Variants in TACC2 observed in about 807,000 individuals in gnomAD.
TACC2 encodes transforming acidic coiled-coil containing protein 2, also known as transforming acidic coiled-coil-containing protein 2.
TACC2 carries 137 observed loss-of-function variants against 227.3 expected under a neutral mutation model. That is an observed-to-expected ratio of 0.60 (90% confidence interval 0.52 to 0.69). The LOEUF is 0.69. Ranked by LOEUF, TACC2 falls within the 30% of genes least tolerant of loss-of-function variation. The pLI is 0.00. For missense variants in TACC2, 3,470 were observed against 3,694.4 expected (o/e 0.94, Z 1.57); for synonymous variants, 1,523 against 1,487.5 (o/e 1.02, Z -0.55).
At chr10:122,249,792 A>AACTC in intron 22 of TACC2, 128 bp downstream of exon 22, 1 of 1,167,194 alleles carries the variant, frequency 8.6e-7, no homozygotes, top group Non-Finnish European at 1.2e-6. Context: ...ATGCTTCATG[A>AACTC]GCATACCCTT....
At chr10:122,006,923 G>A (rs543861972) in intron 1 of TACC2, among the ~76,000 whole-genome samples, 151 of 145,358 alleles carry the variant, frequency 1.0e-3, no homozygotes, top group African/African-American at 3.7e-3. Context: ...GTGCAATGGC[G>A]TGATCTTGGC....
At chr10:121,997,121 T>C (rs778110142) in intron 1 of TACC2, among the ~76,000 whole-genome samples, 5 of 152,178 alleles carry the variant, frequency 3.3e-5, no homozygotes, top group African/African-American at 4.8e-5. Flanking sequence ...AGGACGTAGA[T>C]GAGACCAGCA....
chr10:122,063,727 T>G (rs963619487), intron 3 of TACC2, among the ~76,000 whole-genome samples: 1 of 152,116 alleles, frequency 6.6e-6, no homozygotes, highest in East Asian at 1.9e-4. Flanking sequence ...GTTCTTTTCT[T>G]TATTGATTGT....
Position 122,180,680 on chromosome 10 carries a change from A to G in TACC2, c.5835-14360A>G, listed in dbSNP as rs12248719. On this transcript the variant is annotated intron_variant, in intron 7 of 22. Transcript: ENST00000369005. This position sits in a 1 kb window ranked among gnomAD's most constrained non-coding sequence, Gnocchi z 4.5. Reference sequence around the variant, plus strand: ...ATGACTGACTCTTTTTTCACTCTTCATGTCTCAGCTTTGAGAAGCCTCCCT... The same window carrying G: ...ATGACTGACTCTTTTTTCACTCTTCGTGTCTCAGCTTTGAGAAGCCTCCCT... Among the ~76,000 whole-genome samples the G allele has an allele frequency of 0.11, 17,015 of 151,714 alleles. 1,269 individuals carry two copies. Among genetic ancestry groups the G allele is most frequent in the Non-Finnish European group, 0.16 (10,847 of 67,876 alleles).
At chr10:122,088,387 T>G in intron 4 of TACC2, 91 bp from the exon 5 acceptor site, 1 of 1,261,378 alleles carries the variant, frequency 7.9e-7, no homozygotes, top group Non-Finnish European at 1.1e-6. Context: ...CTTAAAACTT[T>G]AATTGAGAAA....
At chr10:122,032,912 C>T (rs2860384) in intron 2 of TACC2, among the ~76,000 whole-genome samples, 8,052 of 152,120 alleles carry the variant, frequency 0.053, 270 homozygotes, top group Admixed American at 0.11. Flanking sequence ...TGAGCTGAGA[C>T]TGCACCACTG....
chr10:122,178,084 G>A (rs899974041), intron 7 of TACC2, among the ~76,000 whole-genome samples: 3 of 152,148 alleles, frequency 2.0e-5, no homozygotes, highest in Non-Finnish European at 4.4e-5. Context: ...ATTTCTAACA[G>A]TTTTGGAGGC....
At chr10:122,073,136 T>A (rs78791022) in intron 3 of TACC2, among the ~76,000 whole-genome samples, 184 of 69,148 alleles carry the variant, frequency 2.7e-3, no homozygotes, top group African/African-American at 6.5e-3. Flanking sequence ...AATATATATA[T>A]ATATATATAT....
At chr10:122,042,699 C>G (rs942624247) in intron 2 of TACC2, among the ~76,000 whole-genome samples, 1 of 152,104 alleles carries the variant, frequency 6.6e-6, no homozygotes, top group African/African-American at 2.4e-5. Flanking sequence ...TCAGAACAAC[C>G]CTGCAGTTAT....
chr10:122,230,427 A>G lies in TACC2; in HGVS notation c.8114A>G (p.His2705Arg). 1.9e-6 allele frequency: 3 copies of G among 1,614,154 alleles called. No homozygotes were observed. In the South Asian group the frequency reaches 3.3e-5, roughly 18 times the overall value. ...CAGATTGCTTTGGCTTCCCGCAGCC[A>G]CCAGGATGCCAAGGTACCGGTTTGC... Reference protein sequence around the residue: ...ARQIALASRSHQDAKREAAHP... With the variant: ...ARQIALASRSRQDAKREAAHP... Residue 2705 changes from histidine (H) to arginine (R), a missense_variant, in exon 16 of 23, where the codon CAC (histidine) becomes CGC (arginine). His to Arg is a conservative substitution (Grantham distance 29). This residue lies in a region of TACC2 where 345 missense variants were observed against 354.4 expected (regional missense o/e 0.97). Transcript: ENST00000369005.
intron 7 of TACC2, among the ~76,000 whole-genome samples, chr10:122,178,038 C>G (rs2093803774): frequency 6.6e-6 from 1 of 152,098 alleles, no homozygotes; most frequent in Non-Finnish European, 1.5e-5. Flanking sequence ...ACAACAAAAT[C>G]CCATAAATTG....
intron 9 of TACC2, among the ~76,000 whole-genome samples, chr10:122,214,634 A>G (rs1270236611): frequency 6.6e-6 from 1 of 152,238 alleles, no homozygotes; most frequent in Admixed American, 6.5e-5. Flanking sequence ...GGAACTGCTC[A>G]GGCTAAAAGG....
rs1005242661 is a variant in TACC2, at chr10:122,209,639, C to G, written c.5972-758C>G. On this transcript the variant is annotated intron_variant, in intron 8 of 22. Transcript: ENST00000369005. The surrounding 1 kb of genome is among the most constrained non-coding windows in gnomAD (Gnocchi z 4.5). Reference sequence around the variant, plus strand: ...TTTTAAAAGTGAAACTCTCCTATCCCGGCTTTATTTTTCTCCTTAGCATGT... The same window carrying G: ...TTTTAAAAGTGAAACTCTCCTATCCGGGCTTTATTTTTCTCCTTAGCATGT... 2.0e-5 allele frequency among the ~76,000 whole-genome samples: 3 copies of G among 152,134 alleles called. No homozygotes were observed. Among genetic ancestry groups the G allele is most frequent in the Non-Finnish European group, 4.4e-5 (3 of 68,036 alleles).
chr10:122,026,455 T>C (rs1958036593), intron 2 of TACC2, among the ~76,000 whole-genome samples: 1 of 151,944 alleles, frequency 6.6e-6, no homozygotes, highest in Admixed American at 6.6e-5. Context: ...ATTTTTTTTT[T>C]TGGCTAAAAG....
In TACC2 at chr10:122,037,287, T is replaced by C. The variant is rs566098995; in HGVS notation, c.34-13151T>C. Reference sequence around the variant, plus strand: ...GGAGCTGGGTGAGGGCTCAGTTTTGTAGGTCCCAACCAGCCCTGGTAAGAA... The same window carrying C: ...GGAGCTGGGTGAGGGCTCAGTTTTGCAGGTCCCAACCAGCCCTGGTAAGAA... On this transcript the variant is annotated intron_variant, in intron 2 of 22. Transcript: ENST00000369005. Among the ~76,000 whole-genome samples the C allele has an allele frequency of 1.3e-4, 20 of 152,358 alleles. No homozygotes were observed. The South Asian group carries it at 3.1e-3, about 24-fold the overall frequency.
At chr10:122,192,133 C>T (rs762505542) in intron 7 of TACC2, among the ~76,000 whole-genome samples, 1 of 152,196 alleles carries the variant, frequency 6.6e-6, no homozygotes, top group Non-Finnish European at 1.5e-5. Context: ...ACAAGACAGG[C>T]AGCACCGGAA....
chr10:122,066,335 C>G (rs2077389349), intron 3 of TACC2, among the ~76,000 whole-genome samples: 1 of 150,728 alleles, frequency 6.6e-6, no homozygotes, highest in Admixed American at 6.6e-5. Context: ...GTGGCACAGT[C>G]TCAGCTTACT....
At chr10:122,108,474 C>T (rs7914538) in intron 5 of TACC2, among the ~76,000 whole-genome samples, 107,606 of 127,052 alleles carry the variant, frequency 0.85, 45,784 homozygotes, top group East Asian at 0.98. Flanking sequence ...AGATGGAGTT[C>T]TAGTCTTGTC....
rs543935958 is a variant in TACC2, at chr10:122,002,977, C to T, written c.-46+13489C>T. Among the ~76,000 whole-genome samples, 37 of 152,184 alleles carry T rather than the reference C, an allele frequency of 2.4e-4. No individual in the cohort carries two copies. The East Asian group carries it at 5.0e-3, about 21-fold the overall frequency. On this transcript the variant is annotated intron_variant, in intron 1 of 22. Transcript: ENST00000369005. ...CAGCACTTTAGGAGGCCGAAGCAGGCGGATCACCTGAGGTCGGGAGTTTGA... is the reference window on the plus strand; with the variant it reads ...CAGCACTTTAGGAGGCCGAAGCAGGTGGATCACCTGAGGTCGGGAGTTTGA...
Sources: allele counts gnomAD v4.1 joint callset (sites outside exome capture counted in the v4.1 genomes callset), GRCh38; gene constraint gnomAD v4.1.1; regional missense constraint gnomAD v4.1.1; non-coding constraint Gnocchi (gnomAD v3.1); transcripts MANE v1.5; gene names NCBI Gene and HGNC (gene_info 2026-07-23, HGNC 2026-07-21).